SIDT1: variants seen among roughly 807,000 people sequenced by gnomAD.
SIDT1 encodes SID1 transmembrane family, member 1.
SIDT1 carries 101 observed loss-of-function variants against 107.5 expected under a neutral mutation model. The ratio of observed to expected loss-of-function variants is 0.94; its 90% CI spans 0.80 to 1.11. The LOEUF (loss-of-function observed/expected upper bound fraction) is 1.11. Among genes scored for constraint, SIDT1 ranks in the 50% least tolerant of loss-of-function variants. The probability of loss-of-function intolerance (pLI) is 0.00; values close to 1 mark genes in which losing one functional copy is unlikely to be tolerated. For missense variants in SIDT1, 1,076 were observed against 1,058.2 expected (o/e 1.02, Z -0.23); for synonymous variants, 395 against 398.2 (o/e 0.99, Z 0.10).
At chr3:113,586,541 T>C (rs1157648189) in intron 9 of SIDT1, among the ~76,000 whole-genome samples, 1 of 152,198 alleles carries the variant, frequency 6.6e-6, no homozygotes, top group African/African-American at 2.4e-5. Context: ...TTAAGAATCA[T>C]CGATGAATGC....
intron 15 of SIDT1, among the ~76,000 whole-genome samples, chr3:113,607,848 G>A (rs2107702619): frequency 6.6e-6 from 1 of 152,294 alleles, no homozygotes; most frequent in African/African-American, 2.4e-5. Flanking sequence ...GAGGATGGGA[G>A]GGTGTTAGGA....
At chr3:113,548,431 T>G (rs1939843576) in intron 1 of SIDT1, among the ~76,000 whole-genome samples, 1 of 152,124 alleles carries the variant, frequency 6.6e-6, no homozygotes, top group African/African-American at 2.4e-5. Flanking sequence ...TGGTTTTGTT[T>G]TATTTTTACT....
Position 113,580,710 on chromosome 3 carries a change from G to A in SIDT1, c.663+1G>A. 6.3e-7 allele frequency: 1 copy of A among 1,593,010 alleles called. No individual in the cohort carries two copies. On this transcript the variant is annotated splice_donor_variant, in intron 5 of 24. Coordinates refer to ENST00000264852, the MANE Select transcript of SIDT1 (RefSeq NM_017699.3). LOFTEE classifies it high-confidence loss of function. ...TGTTGTCTCAGTCCAGAATATCATG[G>A]TGAGTGCTGATAACTTGCCAACCTT...
At chr3:113,579,951 A>T (rs1229869721) in intron 4 of SIDT1, among the ~76,000 whole-genome samples, 1 of 152,236 alleles carries the variant, frequency 6.6e-6, no homozygotes, top group Non-Finnish European at 1.5e-5. Flanking sequence ...TCAATTAAAA[A>T]TGTTTCCTAA....
At chr3:113,592,794 G>T in intron 9 of SIDT1, 1 of 499,008 alleles carries the variant, frequency 2.0e-6, no homozygotes. Flanking sequence ...CACCATATTG[G>T]CCAGGCTGGT....
At chr3:113,578,558 G>A (rs1178074666) in intron 4 of SIDT1, among the ~76,000 whole-genome samples, 1 of 151,510 alleles carries the variant, frequency 6.6e-6, no homozygotes. Flanking sequence ...TAATAAATAT[G>A]ATATACTGAT....
intron 14 of SIDT1, among the ~76,000 whole-genome samples, 188 bp downstream of exon 14, chr3:113,605,164 C>T (rs906795531): frequency 1.4e-5 from 2 of 143,452 alleles, no homozygotes; most frequent in Non-Finnish European, 3.0e-5. Context: ...GCTCTGTCAC[C>T]CTGGCTGGAG....
intron 19 of SIDT1, 189 bp from the exon 20 acceptor site, chr3:113,615,911 G>A (rs1178165396): frequency 1.6e-6 from 1 of 616,992 alleles, no homozygotes; most frequent in Admixed American, 2.6e-5. Context: ...GCACAGATAT[G>A]GCATCCCTCT....
At chr3:113,614,296 C>T (rs1323661674) in intron 19 of SIDT1, among the ~76,000 whole-genome samples, 1 of 152,214 alleles carries the variant, frequency 6.6e-6, no homozygotes, top group Non-Finnish European at 1.5e-5. Flanking sequence ...ATATCATCCA[C>T]ACAGGCCCGC....
At chr3:113,569,321 A>G (rs957579351) in intron 3 of SIDT1, among the ~76,000 whole-genome samples, 1 of 152,218 alleles carries the variant, frequency 6.6e-6, no homozygotes, top group Non-Finnish European at 1.5e-5. Flanking sequence ...ATATATGCTT[A>G]TAACTGCACA....
At chr3:113,597,720 G>A (rs916817579) in intron 10 of SIDT1, among the ~76,000 whole-genome samples, 1 of 152,152 alleles carries the variant, frequency 6.6e-6, no homozygotes, top group Admixed American at 6.5e-5. Flanking sequence ...CCTGTTCTAT[G>A]TCAGTGAAGT....
At chr3:113,539,383 G>A (rs1045942829) in intron 1 of SIDT1, among the ~76,000 whole-genome samples, 5 of 152,182 alleles carry the variant, frequency 3.3e-5, no homozygotes, top group Admixed American at 3.3e-4. Flanking sequence ...TTTCTTGAAT[G>A]AAGTTATTCC....
intron 3 of SIDT1, among the ~76,000 whole-genome samples, chr3:113,576,692 A>G (rs1012063825): frequency 2.0e-5 from 3 of 152,162 alleles, no homozygotes; most frequent in African/African-American, 7.2e-5. Flanking sequence ...TTAAAGATAT[A>G]AAAATAATAA....
intron 19 of SIDT1, chr3:113,615,023 C>CT (rs575668571): frequency 4.8e-5 from 73 of 1,533,602 alleles, no homozygotes; most frequent in Non-Finnish European, 5.9e-5. Context: ...ACACGTCTCT[C>CT]TTTTTTTTCT....
rs147325247 is a variant in SIDT1, at chr3:113,549,790, T to C, written c.222+16547T>C. 3.2e-3 allele frequency among the ~76,000 whole-genome samples: 488 copies of C among 152,318 alleles called. 1 individual carries two copies. The highest frequency in any genetic ancestry group is 0.011 in the African/African-American group (458 of 41,580). On this transcript the variant is annotated intron_variant, in intron 1 of 24. Coordinates refer to ENST00000264852, the MANE Select transcript of SIDT1 (RefSeq NM_017699.3). The stretch of plus-strand genomic sequence containing the variant: ...TTTTTTTCATGGATCATGCTTTTGG[T>C]GATGTATATAAAAAGCTGTCACCAA...
At chr3:113,538,774 T>C (rs1417383786) in intron 1 of SIDT1, among the ~76,000 whole-genome samples, 1 of 152,164 alleles carries the variant, frequency 6.6e-6, no homozygotes, top group Non-Finnish European at 1.5e-5. Flanking sequence ...GAGAAGGTTA[T>C]GATAGGTAAG....
chr3:113,584,554 T>A, intron 7 of SIDT1, 144 bp from the exon 8 acceptor site: 1 of 608,166 alleles, frequency 1.6e-6, no homozygotes, highest in South Asian at 1.9e-5. Context: ...GGGGGTTACA[T>A]ATTCCTCCAG....
chr3:113,584,622 AG>A, intron 7 of SIDT1, 75 bp from the exon 8 acceptor site: 1 of 931,152 alleles, frequency 1.1e-6, no homozygotes, highest in Non-Finnish European at 1.7e-6. Context: ...TTTGAACAAC[AG>A]TTCAGACAAG....
intron 21 of SIDT1, among the ~76,000 whole-genome samples, chr3:113,622,292 G>A (rs1399094220): frequency 5.3e-5 from 8 of 151,538 alleles, no homozygotes; most frequent in African/African-American, 1.5e-4. Context: ...GTGAAACCCC[G>A]TCTCTACTAA....
Sources: allele counts gnomAD v4.1 joint callset (sites outside exome capture counted in the v4.1 genomes callset), GRCh38; gene constraint gnomAD v4.1.1; transcripts MANE v1.5; gene names NCBI Gene and HGNC (gene_info 2026-07-23, HGNC 2026-07-21).